The following GUCY1A2 variants were observed in gnomAD, a reference collection of about 807,000 sequenced individuals.
The protein encoded by GUCY1A2 is guanylate cyclase soluble subunit alpha-2.
In GUCY1A2, 27 loss-of-function variants were observed where a neutral mutation model predicts 63.5. The ratio of observed to expected loss-of-function variants is 0.43; its 90% CI spans 0.31 to 0.59. GUCY1A2 has a LOEUF of 0.59. Among genes scored for constraint, GUCY1A2 ranks in the 20% least tolerant of loss-of-function variants. The probability of loss-of-function intolerance (pLI) is 0.11; values close to 1 mark genes in which losing one functional copy is unlikely to be tolerated. For missense variants in GUCY1A2, 768 were observed against 913.3 expected (o/e 0.84, Z 2.05); for synonymous variants, 364 against 343.5 (o/e 1.06, Z -0.66).
intron 3 of GUCY1A2, among the ~76,000 whole-genome samples, chr11:106,945,483 T>C (rs1199739954): frequency 1.3e-5 from 2 of 152,014 alleles, no homozygotes; most frequent in Non-Finnish European, 2.9e-5. Context: ...GAAGGAAAAG[T>C]AGACACATTA....
chr11:106,740,477 G>GTTTCTTGTCACCAAGACTTAACTTAC (rs1863674242), intron 6 of GUCY1A2, among the ~76,000 whole-genome samples: 1 of 152,110 alleles, frequency 6.6e-6, no homozygotes, highest in Non-Finnish European at 1.5e-5. Flanking sequence ...TCAGCAGCCT[G>GTTTCTTGTCACCAAGACTTAACTTAC]TTTCTTGTCA....
rs5794511 is a variant in GUCY1A2, at chr11:106,965,926, T to TAA, written c.487+12691_487+12692dup. Among the ~76,000 whole-genome samples the TAA allele has an allele frequency of 5.5e-3, 801 of 145,870 alleles. 7 individuals carry two copies. The highest frequency in any genetic ancestry group is 0.016 in the African/African-American group (625 of 39,644). ...ACCTCCTCCATATTAAAGTGAAGGT[T>TAA]AAAAAAAAAAAAAAGTTCATTTCTG... On this transcript the variant is annotated intron_variant, in intron 3 of 7. Transcript: ENST00000526355.
chr11:106,831,637 T>C (rs1254125946), intron 4 of GUCY1A2, among the ~76,000 whole-genome samples: 2 of 152,204 alleles, frequency 1.3e-5, no homozygotes, highest in Non-Finnish European at 1.5e-5. Context: ...TCAGTAGCCA[T>C]GGAGGCCACT....
intron 1 of GUCY1A2, among the ~76,000 whole-genome samples, chr11:107,014,458 G>A (rs890711085): frequency 1.3e-5 from 2 of 152,110 alleles, no homozygotes; most frequent in African/African-American, 4.8e-5. Flanking sequence ...TTAAAGTAAT[G>A]TGTCCAGAGA....
Position 106,685,932 on chromosome 11 carries a change from A to G in GUCY1A2, c.*1617T>C. On this transcript the variant is annotated 3_prime_UTR_variant, in exon 8 of 8. Coordinates refer to ENST00000526355, the MANE Select transcript of GUCY1A2 (RefSeq NM_000855.3). ...AGCCACACACATAGAAAATTTAAAA[A>G]CATTAAATGAACCTCATAGACTACA... The G allele has an allele frequency of 4.4e-6, 1 of 224,962 alleles. No individual in the cohort carries two copies. The highest frequency in any genetic ancestry group is 1.8e-4 in the South Asian group (1 of 5,454). 13.9% of individuals were successfully genotyped at this position (224,962 alleles called of 1,614,324 possible).
intron 6 of GUCY1A2, among the ~76,000 whole-genome samples, chr11:106,768,488 GTTAT>G (rs879848882): frequency 1.3e-5 from 2 of 152,012 alleles, no homozygotes; most frequent in Non-Finnish European, 2.9e-5. Flanking sequence ...CAATATAAAT[GTTAT>G]TTAACATGCT....
intron 6 of GUCY1A2, among the ~76,000 whole-genome samples, chr11:106,738,822 G>A (rs1863636989): frequency 6.6e-6 from 1 of 152,150 alleles, no homozygotes. Flanking sequence ...AAGTCAGGTA[G>A]TGTGATGCCT....
intron 6 of GUCY1A2, among the ~76,000 whole-genome samples, chr11:106,723,832 A>G (rs1863358515): frequency 1.3e-5 from 2 of 152,234 alleles, no homozygotes; most frequent in Non-Finnish European, 2.9e-5. Context: ...CTCAAAAAAA[A>G]AAAGTAAAAA....
At chr11:106,785,913 G>A (rs927522740) in intron 5 of GUCY1A2, among the ~76,000 whole-genome samples, 3 of 150,496 alleles carry the variant, frequency 2.0e-5, no homozygotes, top group Non-Finnish European at 4.4e-5. Context: ...TTTCAGAAAG[G>A]AGAAAAGCAC....
intron 6 of GUCY1A2, among the ~76,000 whole-genome samples, chr11:106,772,380 C>T (rs1864273481): frequency 6.6e-6 from 1 of 152,126 alleles, no homozygotes; most frequent in African/African-American, 2.4e-5. Context: ...AACACCCCAG[C>T]AGTTTCATAA....
Position 106,953,451 on chromosome 11 carries a change from G to A in GUCY1A2, c.488-13273C>T, listed in dbSNP as rs186902646. On this transcript the variant is annotated intron_variant, in intron 3 of 7. Transcript: ENST00000526355. ...GTATTTTATTGAAGATTTTTGCATC[G>A]ATGTTCATCAGGGATATTGGCCTGA... Among the ~76,000 whole-genome samples the A allele has an allele frequency of 1.9e-3, 282 of 152,206 alleles. 2 individuals carry two copies. The highest frequency in any genetic ancestry group is 0.015 in the Admixed American group (231 of 15,280).
At chr11:106,700,920 A>C (rs1214378316) in intron 7 of GUCY1A2, among the ~76,000 whole-genome samples, 1 of 152,084 alleles carries the variant, frequency 6.6e-6, no homozygotes, top group Non-Finnish European at 1.5e-5. Context: ...ATAGTATCTC[A>C]TCCTTGTATA....
intron 6 of GUCY1A2, among the ~76,000 whole-genome samples, chr11:106,716,768 CAAAAAAAAAAAAAA>C (rs56999589): frequency 1.3e-4 from 7 of 55,302 alleles, no homozygotes; most frequent in South Asian, 8.2e-4. Context: ...GACTCCGTCT[CAAAAAAAAAAAAAA>C]AAAAAAAAAA....
chr11:106,825,252 A>G lies in GUCY1A2; in HGVS notation c.1207-14774T>C, dbSNP rs527567390. On this transcript the variant is annotated intron_variant, in intron 4 of 7. Coordinates refer to ENST00000526355, the MANE Select transcript of GUCY1A2 (RefSeq NM_000855.3). ...TGTCTTAAGTTTTTTATGCCTTTAT[A>G]TACTTAGCTATATTTTTTCTTTTGA... 4.6e-5 allele frequency among the ~76,000 whole-genome samples: 7 copies of G among 152,264 alleles called. No homozygotes were observed. In the East Asian group the frequency reaches 1.4e-3, roughly 29 times the overall value.
At chr11:106,923,221 T>A (rs1160491100) in intron 4 of GUCY1A2, among the ~76,000 whole-genome samples, 1 of 152,178 alleles carries the variant, frequency 6.6e-6, no homozygotes, top group Admixed American at 6.6e-5. Flanking sequence ...AATAATTGTA[T>A]CGAATATAAT....
intron 4 of GUCY1A2, among the ~76,000 whole-genome samples, chr11:106,841,974 G>T (rs549659929): frequency 1.3e-5 from 2 of 151,798 alleles, no homozygotes; most frequent in Non-Finnish European, 2.9e-5. Flanking sequence ...ACCCCAGGAA[G>T]ATGACTTTTC....
chr11:106,742,815 C>T (rs754935875), intron 6 of GUCY1A2, among the ~76,000 whole-genome samples: 11 of 152,040 alleles, frequency 7.2e-5, no homozygotes, highest in Non-Finnish European at 1.3e-4. Flanking sequence ...ACATTGTAAA[C>T]GCTTTCAAAT....
chr11:107,011,170 T>C (rs1861738460), intron 1 of GUCY1A2, among the ~76,000 whole-genome samples: 1 of 152,204 alleles, frequency 6.6e-6, no homozygotes, highest in Non-Finnish European at 1.5e-5. Flanking sequence ...GCCTGCTCAA[T>C]AGATAGCCCT....
chr11:106,991,725 T>C (rs942231777), intron 1 of GUCY1A2, among the ~76,000 whole-genome samples: 21 of 152,194 alleles, frequency 1.4e-4, no homozygotes, highest in African/African-American at 5.1e-4. Context: ...TATAATCAAA[T>C]ATGAATTTGT....
Sources: gnomAD v4.1 joint callset for allele counts (sites outside exome capture counted in the v4.1 genomes callset) on GRCh38, gnomAD v4.1.1 for gene constraint, MANE v1.5 for transcripts, NCBI Gene and HGNC (gene_info 2026-07-23, HGNC 2026-07-21) for gene names.